The following LDB2 variants were observed in gnomAD, a reference collection of about 807,000 sequenced individuals.
The protein encoded by LDB2 is LIM domain binding 2.
LDB2 carries 12 observed loss-of-function variants against 44.3 expected under a neutral mutation model. That is an observed-to-expected ratio of 0.27 (90% CI 0.17 to 0.44). The LOEUF is 0.44. Among genes scored for constraint, LDB2 ranks in the 20% least tolerant of loss-of-function variants. The pLI is 1.00. For missense variants in LDB2, 344 were observed against 473.5 expected (o/e 0.73, Z 2.54); for synonymous variants, 164 against 174.8 (o/e 0.94, Z 0.49).
At chr4:16,833,266 T>C (rs377318984) in intron 1 of LDB2, among the ~76,000 whole-genome samples, 7 of 152,312 alleles carry the variant, frequency 4.6e-5, no homozygotes, top group African/African-American at 1.7e-4. Flanking sequence ...GACTTTAAGA[T>C]GAGATATATG....
At chr4:16,549,871 A>G (rs1410012340) in intron 5 of LDB2, among the ~76,000 whole-genome samples, 2 of 152,194 alleles carry the variant, frequency 1.3e-5, no homozygotes, top group African/African-American at 4.8e-5. Context: ...AAGAATACAA[A>G]AATTAATAAA....
chr4:16,661,058 T>C (rs78112565), intron 2 of LDB2, among the ~76,000 whole-genome samples: 3,198 of 152,288 alleles, frequency 0.021, 103 homozygotes, highest in African/African-American at 0.071. Context: ...CCCTGTTCTT[T>C]CCAATCGTTT....
chr4:16,758,776 T>C (rs1421558123), intron 2 of LDB2, among the ~76,000 whole-genome samples: 2 of 152,124 alleles, frequency 1.3e-5, no homozygotes, highest in African/African-American at 2.4e-5. Flanking sequence ...ACAGTGACAG[T>C]AGGAATTATT....
chr4:16,851,659 T>C (rs1328591692), intron 1 of LDB2, among the ~76,000 whole-genome samples: 2 of 151,548 alleles, frequency 1.3e-5, no homozygotes, highest in South Asian at 2.1e-4. Flanking sequence ...ACACAAAAGA[T>C]GTCATTAGGA....
intron 5 of LDB2, among the ~76,000 whole-genome samples, chr4:16,568,102 A>T (rs897459161): frequency 6.6e-6 from 1 of 152,196 alleles, no homozygotes; most frequent in Non-Finnish European, 1.5e-5. Context: ...TTTGACCTGA[A>T]AAAAACAGCA....
chr4:16,644,423 T>C (rs1560739073), intron 2 of LDB2, among the ~76,000 whole-genome samples: 1 of 151,636 alleles, frequency 6.6e-6, no homozygotes, highest in African/African-American at 2.4e-5. Context: ...GAACCAATTT[T>C]TTTTTCTTTT....
chr4:16,554,910 A>G (rs1738977946), intron 5 of LDB2, among the ~76,000 whole-genome samples: 1 of 152,202 alleles, frequency 6.6e-6, no homozygotes, highest in South Asian at 2.1e-4. Flanking sequence ...CCTAATGGAA[A>G]CTATGGACTT....
chr4:16,615,624 G>A lies in LDB2; in HGVS notation c.236-19749C>T, dbSNP rs1727081099. On this transcript the variant is annotated intron_variant, in intron 2 of 7. Coordinates refer to ENST00000304523, the MANE Select transcript of LDB2 (RefSeq NM_001290.5). Reference sequence around the variant, plus strand: ...CTGTTGGGGGGTGGGGGGTGAAGGAGGGAACTTAGAGGATGGATCAATAGG... The same window carrying A: ...CTGTTGGGGGGTGGGGGGTGAAGGAAGGAACTTAGAGGATGGATCAATAGG... 2.0e-5 allele frequency among the ~76,000 whole-genome samples: 3 copies of A among 152,000 alleles called. No individual in the cohort carries two copies. In the South Asian group the frequency reaches 6.2e-4, roughly 32 times the overall value.
chr4:16,511,921 C>A, intron 6 of LDB2, 60 bp downstream of exon 6: 1 of 1,546,510 alleles, frequency 6.5e-7, no homozygotes, highest in Non-Finnish European at 8.8e-7. Context: ...CACATCACTT[C>A]ATCCCTGGAA....
chr4:16,662,761 G>A (rs117246407), intron 2 of LDB2, among the ~76,000 whole-genome samples: 1 of 151,972 alleles, frequency 6.6e-6, no homozygotes, highest in East Asian at 1.9e-4. Context: ...ACGCGTCTTT[G>A]TTCCTCGTTT....
chr4:16,682,151 TTAAA>T (rs1401378505), intron 2 of LDB2, among the ~76,000 whole-genome samples: 8 of 152,212 alleles, frequency 5.3e-5, no homozygotes, highest in South Asian at 4.1e-4. Context: ...GATTTGAGTC[TTAAA>T]TAAGTAAAAA....
At chr4:16,837,661 T>G (rs373272288) in intron 1 of LDB2, among the ~76,000 whole-genome samples, 1 of 152,226 alleles carries the variant, frequency 6.6e-6, no homozygotes, top group African/African-American at 2.4e-5. Context: ...GCCAAACATG[T>G]GCATAAGGCC....
intron 5 of LDB2, among the ~76,000 whole-genome samples, chr4:16,542,110 G>GC (rs925751114): frequency 3.5e-5 from 5 of 143,990 alleles, no homozygotes; most frequent in African/African-American, 1.4e-4. Context: ...GTGGGGGGGG[G>GC]GGCGCGAGCA....
At chr4:16,699,095 A>C (rs1400056078) in intron 2 of LDB2, among the ~76,000 whole-genome samples, 1 of 152,148 alleles carries the variant, frequency 6.6e-6, no homozygotes, top group Non-Finnish European at 1.5e-5. Flanking sequence ...CGGTAGAGGA[A>C]TTGTGGTTTA....
In LDB2 at chr4:16,720,706, T is replaced by A. The variant is rs1758083300; in HGVS notation, c.235+38452A>T. On this transcript the variant is annotated intron_variant, in intron 2 of 7. Transcript: ENST00000304523. ...ATGCACCATAAATAAGCAATATGGA[T>A]GTTCGTATATTTATGTAACACTACT... Among the ~76,000 whole-genome samples the A allele has an allele frequency of 3.9e-5, 6 of 152,196 alleles. No homozygotes were observed. In the South Asian group the frequency reaches 1.2e-3, roughly 31 times the overall value.
chr4:16,805,758 G>C (rs1199677147), intron 1 of LDB2, among the ~76,000 whole-genome samples: 1 of 152,228 alleles, frequency 6.6e-6, no homozygotes, highest in African/African-American at 2.4e-5. Flanking sequence ...GAATCAACTA[G>C]AGTAGGAAAA....
At chr4:16,689,864 G>T (rs896114023) in intron 2 of LDB2, among the ~76,000 whole-genome samples, 1 of 152,192 alleles carries the variant, frequency 6.6e-6, no homozygotes, top group Non-Finnish European at 1.5e-5. Flanking sequence ...GACATTGACC[G>T]TGTCTTAGAA....
intron 2 of LDB2, among the ~76,000 whole-genome samples, chr4:16,693,951 A>G (rs921678874): frequency 5.3e-5 from 8 of 152,352 alleles, no homozygotes; most frequent in African/African-American, 1.9e-4. Context: ...ACTTCATTAT[A>G]TACAGAAATC....
intron 1 of LDB2, among the ~76,000 whole-genome samples, chr4:16,796,568 C>T (rs1776786750): frequency 6.6e-6 from 1 of 152,136 alleles, no homozygotes; most frequent in Non-Finnish European, 1.5e-5. Flanking sequence ...TTTATGTAGA[C>T]ACCCCCCTTG....
Sources: gnomAD v4.1 joint callset for allele counts (sites outside exome capture counted in the v4.1 genomes callset) on GRCh38, gnomAD v4.1.1 for gene constraint, MANE v1.5 for transcripts, NCBI Gene and HGNC (gene_info 2026-07-23, HGNC 2026-07-21) for gene names.